FAM161A: variants seen among roughly 807,000 people sequenced by gnomAD.
FAM161A encodes protein FAM161A.
Under a neutral mutation model 70.9 loss-of-function variants are expected in FAM161A, and 57 were observed. The ratio of observed to expected loss-of-function variants is 0.80; its 90% CI spans 0.65 to 1.00. The LOEUF (loss-of-function observed/expected upper bound fraction) is 1.00, where lower values mean the gene tolerates loss of function less well. FAM161A is among the 50% of genes least tolerant of loss of function. The pLI, the probability that FAM161A is intolerant of heterozygous loss-of-function variation, is 0.00. For synonymous variants in FAM161A, 299 were observed against 295.7 expected (o/e 1.01, Z -0.12); for missense variants, 880 against 836.0 (o/e 1.05, Z -0.65).
downstream of FAM161A, chr2:61,820,348 A>AC (rs1672177375): frequency 5.3e-6 from 4 of 751,220 alleles, no homozygotes; most frequent in South Asian, 5.4e-5. Flanking sequence ...AGATCCCAAC[A>AC]CCAAGTGCTC....
At chr2:61,832,258 A>AACC (rs1553352329) in intron 5 of FAM161A, among the ~76,000 whole-genome samples, 2 of 151,384 alleles carry the variant, frequency 1.3e-5, no homozygotes, top group African/African-American at 4.8e-5. Context: ...CACAAAAAAA[A>AACC]ACCAACAACA....
At chr2:61,811,630 C>T in the FAM161A span, among the ~76,000 whole-genome samples, 22 of 152,232 alleles carry the variant, frequency 1.4e-4, no homozygotes, top group South Asian at 4.6e-3. Flanking sequence ...ACCTCGGCCT[C>T]CCAAAGTGCT....
the FAM161A span, among the ~76,000 whole-genome samples, chr2:61,816,133 C>T: frequency 6.6e-6 from 1 of 152,126 alleles, no homozygotes; most frequent in African/African-American, 2.4e-5. Context: ...GGCAGTGAGA[C>T]CTCCATTGAC....
In FAM161A at chr2:61,827,096, T is replaced by C. The variant is rs1368254669; in HGVS notation, c.2006+8A>G. 3.1e-6 allele frequency: 5 copies of C among 1,613,156 alleles called. No individual in the cohort carries two copies. The highest frequency in any genetic ancestry group is 4.2e-6 in the Non-Finnish European group (5 of 1,179,756). ...AGGTAAGCCATTCAGACATCTTATA[T>C]ATGTTACCTTTCTTTGTCTTCAGTG... is the stretch of plus-strand genomic sequence containing the variant. On this transcript the variant is annotated splice_region_variant and intron_variant, in intron 6 of 6. Transcript: ENST00000404929.
Position 61,840,120 on chromosome 2 carries a change from A to C in FAM161A, c.884T>G (p.Leu295Arg). The change falls in exon 3 of 7, where the codon CTT (leucine) becomes CGT (arginine). Residue 295 changes from leucine to arginine, a missense_variant. Coordinates refer to ENST00000404929, the MANE Select transcript of FAM161A (RefSeq NM_001201543.2). ...NPVPASVFLP[L>R]YHDLVKQKEE... Reference sequence around the variant, plus strand: ...TTTTTGCTTGACTAAATCATGGTAAAGGGGGAGAAAGACAGATGCAGGAAC... The same window carrying C: ...TTTTTGCTTGACTAAATCATGGTAACGGGGGAGAAAGACAGATGCAGGAAC... 3 of 1,614,094 alleles carry C rather than the reference A, an allele frequency of 1.9e-6. No homozygotes were observed. The highest frequency in any genetic ancestry group is 4.5e-5 in the East Asian group (2 of 44,874).
intron 1 of FAM161A, among the ~76,000 whole-genome samples, chr2:61,847,736 C>A (rs1673281203): frequency 6.6e-6 from 1 of 152,138 alleles, no homozygotes; most frequent in Non-Finnish European, 1.5e-5. Flanking sequence ...GGAGGCACTG[C>A]ACTCCAGCCT....
intron 5 of FAM161A, among the ~76,000 whole-genome samples, chr2:61,832,194 G>A (rs1366120266): frequency 6.9e-6 from 1 of 143,946 alleles, no homozygotes; most frequent in Non-Finnish European, 1.5e-5. Flanking sequence ...GCAGTGAGCC[G>A]AGATCATGCC....
At chr2:61,828,179 T>G (rs185251655) in intron 5 of FAM161A, among the ~76,000 whole-genome samples, 55 of 152,152 alleles carry the variant, frequency 3.6e-4, no homozygotes, top group African/African-American at 1.2e-3. Flanking sequence ...GTGCTGGCAA[T>G]GGTCTATTTG....
intron 5 of FAM161A, among the ~76,000 whole-genome samples, chr2:61,833,373 C>A (rs1289059989): frequency 4.1e-5 from 6 of 146,750 alleles, no homozygotes; most frequent in African/African-American, 1.5e-4. Context: ...TTGCAGTGAG[C>A]TGAGATTGTG....
downstream of FAM161A, among the ~76,000 whole-genome samples, chr2:61,824,193 A>ATTTT (rs5831622): frequency 1.3e-4 from 16 of 127,806 alleles, no homozygotes; most frequent in African/African-American, 3.5e-4. Context: ...CGCCTGGCTA[A>ATTTT]TTTTTTTTTT....
chr2:61,833,402 G>A (rs1371663010), intron 5 of FAM161A, among the ~76,000 whole-genome samples: 3 of 147,934 alleles, frequency 2.0e-5, no homozygotes, highest in Non-Finnish European at 4.5e-5. Context: ...CTCCAGCCTG[G>A]GTGACAGAGT....
At chr2:61,849,010 ATATATT>A (rs1334649905) in intron 1 of FAM161A, among the ~76,000 whole-genome samples, 2 of 5,902 alleles carry the variant, frequency 3.4e-4, no homozygotes, top group African/African-American at 2.2e-3. Context: ...ATATATATTT[ATATATT>A]TATATATATT....
At chr2:61,807,299 A>G in the FAM161A span, among the ~76,000 whole-genome samples, 36 of 147,100 alleles carry the variant, frequency 2.4e-4, no homozygotes, top group South Asian at 4.8e-3. Flanking sequence ...AAAGAGGCAG[A>G]AAAAAAAAAA....
At position 61,854,058 on chromosome 2, in the gene FAM161A, C is replaced by T; in HGVS notation, c.-17G>A. ...GGTGGCCATCGCCCCGCCTCCGAGG[C>T]CTGAGCGCCTGCGCTGGCCCGGGAC... is the stretch of plus-strand genomic sequence containing the variant. On this transcript the variant is annotated 5_prime_UTR_variant, in exon 1 of 7. Coordinates refer to ENST00000404929, the MANE Select transcript of FAM161A (RefSeq NM_001201543.2). 2.5e-6 allele frequency: 4 copies of T among 1,590,036 alleles called. No individual in the cohort carries two copies. Among genetic ancestry groups the T allele is most frequent in the Non-Finnish European group, 2.6e-6 (3 of 1,168,786 alleles).
chr2:61,801,896 TAGA>T, the FAM161A span, among the ~76,000 whole-genome samples: 1 of 152,196 alleles, frequency 6.6e-6, no homozygotes, highest in Non-Finnish European at 1.5e-5. Flanking sequence ...ATAATGCTGC[TAGA>T]AGAACTCTAG....
In FAM161A at chr2:61,853,897, C is replaced by A; in HGVS notation, c.145G>T (p.Glu49Ter). The A allele has an allele frequency of 1.2e-6, 2 of 1,613,964 alleles. No homozygotes were observed. Among genetic ancestry groups the A allele is most frequent in the Non-Finnish European group, 8.5e-7 (1 of 1,179,834 alleles). Reference sequence around the variant, plus strand: ...GGCTGAGCCACTTTCTCCTCCTCTTCGTCCTCCAAGATCGCCTCCGCTGCC... The same window carrying A: ...GGCTGAGCCACTTTCTCCTCCTCTTAGTCCTCCAAGATCGCCTCCGCTGCC... ...LAAAEAILED[E>*]EEEKVAQPAG... Residue 49 changes from glutamate (E) to a stop codon, truncating the protein, a stop_gained, in exon 1 of 7, where the codon GAA becomes TAA. Transcript: ENST00000404929. LOFTEE classifies it high-confidence loss of function.
the FAM161A span, among the ~76,000 whole-genome samples, chr2:61,802,262 C>T: frequency 3.3e-5 from 5 of 152,288 alleles, no homozygotes; most frequent in African/African-American, 1.2e-4. Flanking sequence ...TGTTCCTTCT[C>T]TGGAGCACCC....
At chr2:61,832,762 G>T (rs575768361) in intron 5 of FAM161A, among the ~76,000 whole-genome samples, 2 of 152,130 alleles carry the variant, frequency 1.3e-5, no homozygotes, top group Non-Finnish European at 2.9e-5. Context: ...AGAATCTAAC[G>T]CCTGATGATG....
the FAM161A span, chr2:61,803,135 G>C: frequency 2.9e-5 from 13 of 455,400 alleles, no homozygotes; most frequent in Middle Eastern, 6.6e-4. Flanking sequence ...CTACTTCAGA[G>C]GAAACAGATG....
Sources: allele counts gnomAD v4.1 joint callset (sites outside exome capture counted in the v4.1 genomes callset), GRCh38; gene constraint gnomAD v4.1.1; transcripts MANE v1.5; gene names NCBI Gene and HGNC (gene_info 2026-07-23, HGNC 2026-07-21).